Variants in KRT84 observed in about 807,000 individuals in gnomAD.
KRT84 encodes the protein keratin 84, also known as keratin, type II cuticular Hb4.
A neutral mutation model predicts 49.0 loss-of-function variants in KRT84; 38 were observed. That is an observed-to-expected ratio of 0.78 (90% confidence interval 0.60 to 1.02). The LOEUF (loss-of-function observed/expected upper bound fraction) is 1.02, where lower values mean the gene tolerates loss of function less well. Among genes scored for constraint, KRT84 ranks in the 50% least tolerant of loss-of-function variants. The pLI, the probability that KRT84 is intolerant of heterozygous loss-of-function variation, is 0.00. For missense variants in KRT84, 860 were observed against 788.6 expected, an observed-to-expected ratio of 1.09 and a Z score of -1.08; for synonymous variants, 334 against 312.8, an observed-to-expected ratio of 1.07 and a Z score of -0.72.
In KRT84 at chr12:52,385,582, A is replaced by T. The variant is rs1217656863; in HGVS notation, c.4T>A (p.Ser2Thr). The T allele has an allele frequency of 1.9e-6, 3 of 1,611,480 alleles. No homozygotes were observed. The highest frequency in any genetic ancestry group is 2.5e-6 in the Non-Finnish European group (3 of 1,178,300). M[S>T]CRSYRVSSGH... Reference sequence around the variant, plus strand: ...GAGCTGACTCGGTAGGAGCGGCAAGACATGATGGCTTCCTGGTTGGGAGCA... The same window carrying T: ...GAGCTGACTCGGTAGGAGCGGCAAGTCATGATGGCTTCCTGGTTGGGAGCA... The change falls in exon 1 of 9, where the codon TCT (serine) becomes ACT (threonine). Residue 2 changes from serine to threonine, a missense_variant. By Grantham distance (58) the Ser-to-Thr change is moderately conservative. Transcript: ENST00000257951.
chr12:52,385,690 G>T, upstream of KRT84: 1 of 1,086,978 alleles, frequency 9.2e-7, no homozygotes, highest in Non-Finnish European at 1.3e-6. Context: ...TTATGTGTGT[G>T]GTGATCTGAG....
intron 1 of KRT84, 111 bp downstream of exon 1, chr12:52,384,929 A>G (rs1592148859): frequency 1.8e-6 from 2 of 1,123,462 alleles, no homozygotes; most frequent in Non-Finnish European, 2.6e-6. Flanking sequence ...GAAAGATCTG[A>G]GGTCAAGGTC....
intron 3 of KRT84, 105 bp from the exon 4 acceptor site, chr12:52,382,637 G>A: frequency 1.1e-6 from 1 of 885,012 alleles, no homozygotes; most frequent in Non-Finnish European, 1.8e-6. Flanking sequence ...CCCACAGATG[G>A]TAAGGTCGCT....
intron 1 of KRT84, among the ~76,000 whole-genome samples, chr12:52,384,622 T>C (rs1263992646): frequency 1.3e-5 from 2 of 152,230 alleles, no homozygotes; most frequent in Non-Finnish European, 2.9e-5. Flanking sequence ...TCAGAAACTA[T>C]GAAAACTTCA....
At chr12:52,386,126 T>G (rs1391246259), upstream of KRT84, among the ~76,000 whole-genome samples, 6 of 152,236 alleles carry the variant, frequency 3.9e-5, no homozygotes, top group Non-Finnish European at 7.3e-5. Context: ...TACAGTTTGT[T>G]GCATTTCTGC....
chr12:52,381,243 C>T, intron 5 of KRT84, 38 bp from the exon 6 acceptor site: 1 of 1,612,826 alleles, frequency 6.2e-7, no homozygotes, highest in Non-Finnish European at 8.5e-7. Context: ...GTTCGGAGGT[C>T]AGGTCAGGAT....
In KRT84 at chr12:52,385,529, A is replaced by G. The variant is rs774120807; in HGVS notation, c.57T>C (p.Ser19=). Reference sequence around the variant, plus strand: ...GGTTCTGTGGTGTCATTGCTGAACAAGAGCTGAAGTTGCCCACCCGGTGAC... The same window carrying G: ...GGTTCTGTGGTGTCATTGCTGAACAGGAGCTGAAGTTGCCCACCCGGTGAC... ...SSGHRVGNFS[S]CSAMTPQNLN... Residue 19 remains serine (S), a synonymous_variant, in exon 1 of 9, where the codon TCT becomes TCC. Transcript: ENST00000257951. 5.0e-6 allele frequency: 8 copies of G among 1,614,062 alleles called. No homozygotes were observed. Among genetic ancestry groups the G allele is most frequent in the Non-Finnish European group, 5.9e-6 (7 of 1,180,052 alleles).
upstream of KRT84, among the ~76,000 whole-genome samples, chr12:52,385,866 A>G (rs1308069080): frequency 1.3e-5 from 2 of 152,258 alleles, no homozygotes; most frequent in Non-Finnish European, 2.9e-5. Flanking sequence ...CATTAAAAAC[A>G]CATAAACATA....
Position 52,381,463 on chromosome 12 carries a change from G to A in KRT84, c.975C>T (p.Ser325=), listed in dbSNP as rs747106404. ...TGATCCCATCAAGGTTCAGGTCACG[G>A]CTGTTGTCCATCTTCACAATGACCG... ...ETSVIVKMDN[S]RDLNLDGIIA... Residue 325 remains serine (S), a synonymous_variant, in exon 5 of 9, where the codon AGC becomes AGT. Coordinates refer to ENST00000257951, the MANE Select transcript of KRT84 (RefSeq NM_033045.4). The A allele has an allele frequency of 6.2e-7, 1 of 1,614,176 alleles. No individual in the cohort carries two copies.
At chr12:52,378,425 C>G in intron 8 of KRT84, 45 bp from the exon 9 acceptor site, 1 of 1,389,576 alleles carries the variant, frequency 7.2e-7, no homozygotes, top group Non-Finnish European at 9.4e-7. Context: ...CACCAGGGCC[C>G]TCCACCTCCA....
chr12:52,380,139 T>A (rs1386905863), intron 7 of KRT84, among the ~76,000 whole-genome samples: 1 of 152,268 alleles, frequency 6.6e-6, no homozygotes, highest in Non-Finnish European at 1.5e-5. Context: ...GCAAAATTAC[T>A]AATGATTCTG....
At chr12:52,384,255 T>C (rs954829827) in intron 1 of KRT84, among the ~76,000 whole-genome samples, 13 of 49,796 alleles carry the variant, frequency 2.6e-4, no homozygotes, top group Non-Finnish European at 4.6e-4. Context: ...AGATATTCCA[T>C]TGGCTATGTG....
rs776666279 is a variant in KRT84 at position 52,385,435 on chromosome 12, C to A, written c.151G>T (p.Gly51Cys). The change falls in exon 1 of 9, where the codon GGT becomes TGT. Residue 51 changes from glycine to cysteine, a missense_variant. Coordinates refer to ENST00000257951, the MANE Select transcript of KRT84 (RefSeq NM_033045.4). ...GPGFRGLGSF[G>C]SRSVITFGSY... ...CCAAAGGTGATGACACTCCGACTAC[C>A]AAAGCTGCCAAGGCCCCGGAATCCA... The A allele has an allele frequency of 2.5e-6, 4 of 1,614,162 alleles. No individual in the cohort carries two copies. Among genetic ancestry groups the A allele is most frequent in the Non-Finnish European group, 1.7e-6 (2 of 1,180,020 alleles).
At chr12:52,378,468 G>A in intron 8 of KRT84, 88 bp from the exon 9 acceptor site, 2 of 656,004 alleles carry the variant, frequency 3.0e-6, no homozygotes, top group East Asian at 4.2e-5. Context: ...CGGGTCTGGT[G>A]GGGAGGGAGT....
intron 8 of KRT84, 70 bp downstream of exon 8, chr12:52,379,806 T>A: frequency 7.5e-7 from 1 of 1,331,236 alleles, no homozygotes; most frequent in Non-Finnish European, 1.1e-6. Flanking sequence ...CTGACCCCAG[T>A]GTGAGCCTGA....
intron 8 of KRT84, among the ~76,000 whole-genome samples, chr12:52,379,095 G>A (rs980819711): frequency 3.9e-5 from 6 of 152,220 alleles, no homozygotes; most frequent in African/African-American, 1.4e-4. Context: ...CGCCTCCATG[G>A]GAGTGGGAAG....
chr12:52,386,644 G>A (rs1194593444), upstream of KRT84, among the ~76,000 whole-genome samples: 1 of 152,088 alleles, frequency 6.6e-6, no homozygotes, highest in Non-Finnish European at 1.5e-5. Flanking sequence ...TATACCATAG[G>A]TGTGATTTAT....
At chr12:52,383,508 G>T in intron 2 of KRT84, 82 bp downstream of exon 2, 3 of 929,322 alleles carry the variant, frequency 3.2e-6, no homozygotes, top group Non-Finnish European at 3.1e-6. Context: ...GATCCTTCCA[G>T]CTGCTCTCAT....
Position 52,385,487 on chromosome 12 carries a change from GGCCCGGAAGC to G in KRT84, c.89_98del (p.Arg30ProfsTer33). The G allele has an allele frequency of 6.2e-7, 1 of 1,614,254 alleles. No individual in the cohort carries two copies. The highest frequency in any genetic ancestry group is 1.7e-5 in the Admixed American group (1 of 60,030). ...GCCCACTCCAACAGGAGACAGAGTT[GGCCCGGAAGC>G]GATTCAGGTTCTGTGGTGTCATTGC... On this transcript the variant is annotated frameshift_variant, in exon 1 of 9. Transcript: ENST00000257951. LOFTEE classifies it high-confidence loss of function.
Sources: gnomAD v4.1 joint callset for allele counts (sites outside exome capture counted in the v4.1 genomes callset) on GRCh38, gnomAD v4.1.1 for gene constraint, MANE v1.5 for transcripts, NCBI Gene and HGNC (gene_info 2026-07-23, HGNC 2026-07-21) for gene names.